Variants in SLC24A3 observed in about 807,000 individuals in gnomAD.
The protein encoded by SLC24A3 is solute carrier family 24 member 3, also known as sodium/potassium/calcium exchanger 3.
A neutral mutation model predicts 75.8 loss-of-function variants in SLC24A3; 28 were observed. That is an observed-to-expected ratio of 0.37 (90% CI 0.27 to 0.51). The LOEUF (loss-of-function observed/expected upper bound fraction) is 0.51, where lower values mean the gene tolerates loss of function less well. SLC24A3 is among the 20% of genes least tolerant of loss of function. The probability of loss-of-function intolerance (pLI) is 0.94; values close to 1 mark genes in which losing one functional copy is unlikely to be tolerated. For missense variants in SLC24A3, 663 were observed against 847.8 expected (o/e 0.78, Z 2.71); for synonymous variants, 372 against 334.1 (o/e 1.11, Z -1.24).
intron 2 of SLC24A3, among the ~76,000 whole-genome samples, chr20:19,371,870 A>G (rs1985997850): frequency 6.6e-6 from 1 of 152,098 alleles, no homozygotes; most frequent in Admixed American, 6.5e-5. Flanking sequence ...ATATGGATCC[A>G]TATCTCAGGT....
chr20:19,600,235 C>A (rs1366957668), intron 6 of SLC24A3, among the ~76,000 whole-genome samples: 2 of 152,128 alleles, frequency 1.3e-5, no homozygotes, highest in Non-Finnish European at 2.9e-5. Flanking sequence ...CCTAGACAAA[C>A]CCATTAGGAG....
At chr20:19,376,511 T>C (rs1286822701) in intron 2 of SLC24A3, among the ~76,000 whole-genome samples, 1 of 152,220 alleles carries the variant, frequency 6.6e-6, no homozygotes, top group Non-Finnish European at 1.5e-5. Flanking sequence ...GCTATCGTTC[T>C]AGCCCTGCTG....
intron 4 of SLC24A3, 77 bp downstream of exon 4, chr20:19,580,151 C>T (rs2031199251): frequency 1.5e-6 from 2 of 1,324,158 alleles, no homozygotes; most frequent in African/African-American, 2.9e-5. Flanking sequence ...CCAGCCTCCT[C>T]ACCAAAGTCC....
At position 19,585,463 on chromosome 20, in the gene SLC24A3, TGTG is replaced by T; in HGVS notation, c.533_535del (p.Val178del). 1 of 1,614,172 alleles carries T rather than the reference TGTG, an allele frequency of 6.2e-7. No individual in the cohort carries two copies. Among genetic ancestry groups the T allele is most frequent in the Non-Finnish European group, 8.5e-7 (1 of 1,180,020 alleles). On this transcript the variant is annotated inframe_deletion, in exon 6 of 17. Coordinates refer to ENST00000328041, the MANE Select transcript of SLC24A3 (RefSeq NM_020689.4). ...CAGGGGTCTTCATCACCAAAGGCGATGTGGGAGTTGGCACCATCGTGGGCTCAG... is the reference window on the plus strand; with the variant it reads ...CAGGGGTCTTCATCACCAAAGGCGATGGAGTTGGCACCATCGTGGGCTCAG...
At chr20:19,436,453 C>T (rs531291344) in intron 2 of SLC24A3, among the ~76,000 whole-genome samples, 1 of 152,234 alleles carries the variant, frequency 6.6e-6, no homozygotes, top group African/African-American at 2.4e-5. Context: ...ATTTACTGAC[C>T]CCAGTACTTT....
At chr20:19,553,067 TTCCCTCCC>T (rs146583328) in intron 3 of SLC24A3, among the ~76,000 whole-genome samples, 1,984 of 99,024 alleles carry the variant, frequency 0.02, 34 homozygotes, top group Non-Finnish European at 0.028. Context: ...CCCTCCTTCC[TTCCCTCCC>T]TCCCTCCCTC....
chr20:19,693,504 C>T (rs768899347), intron 13 of SLC24A3, 79 bp downstream of exon 13: 23 of 1,534,388 alleles, frequency 1.5e-5, no homozygotes, highest in Non-Finnish European at 1.9e-5. Context: ...GGGTTTCAGC[C>T]GATAACTGTA....
At chr20:19,692,006 A>G (rs1370996521) in intron 12 of SLC24A3, among the ~76,000 whole-genome samples, 3 of 152,194 alleles carry the variant, frequency 2.0e-5, no homozygotes, top group Non-Finnish European at 4.4e-5. Flanking sequence ...GAGAGGCCAG[A>G]GGGTGCCAGA....
chr20:19,632,300 C>T (rs1446075566), intron 6 of SLC24A3, among the ~76,000 whole-genome samples: 1 of 152,188 alleles, frequency 6.6e-6, no homozygotes, highest in Non-Finnish European at 1.5e-5. Flanking sequence ...GACTCTCTTA[C>T]AGTTCTGGAT....
At chr20:19,540,448 T>A (rs1217475629) in intron 3 of SLC24A3, among the ~76,000 whole-genome samples, 2 of 152,238 alleles carry the variant, frequency 1.3e-5, no homozygotes, top group African/African-American at 4.8e-5. Context: ...ACCCATTTTT[T>A]AAATGCAAAC....
At chr20:19,614,972 A>G (rs569383121) in intron 6 of SLC24A3, among the ~76,000 whole-genome samples, 1 of 152,306 alleles carries the variant, frequency 6.6e-6, no homozygotes, top group African/African-American at 2.4e-5. Flanking sequence ...TCATCATCCA[A>G]ACCATAATCT....
At position 19,565,701 on chromosome 20, in the gene SLC24A3, T is replaced by G. The variant is rs146366787; in HGVS notation, c.349-14299T>G. On this transcript the variant is annotated intron_variant, in intron 3 of 16. Transcript: ENST00000328041. ...GATTCCTATCACCTGAGAGCCAATT[T>G]CCCTCTCACACTAAATGGCACCTTT... 1.2e-3 allele frequency among the ~76,000 whole-genome samples: 187 copies of G among 152,240 alleles called. 1 individual carries two copies. Among genetic ancestry groups the G allele is most frequent in the African/African-American group, 4.3e-3 (180 of 41,532 alleles).
intron 15 of SLC24A3, among the ~76,000 whole-genome samples, chr20:19,706,678 G>A (rs1317882856): frequency 6.6e-6 from 1 of 152,096 alleles, no homozygotes; most frequent in African/African-American, 2.4e-5. Context: ...CATGGTAAAG[G>A]CCATGGTAAT....
chr20:19,318,612 A>T (rs1317146693), intron 2 of SLC24A3, among the ~76,000 whole-genome samples: 1 of 152,104 alleles, frequency 6.6e-6, no homozygotes, highest in Non-Finnish European at 1.5e-5. Context: ...CCTTTGCCAC[A>T]AAGAGGCCCC....
In SLC24A3 at chr20:19,698,644, G is replaced by T; in HGVS notation, c.1683G>T (p.Trp561Cys). The T allele has an allele frequency of 6.3e-7, 1 of 1,592,380 alleles. No individual in the cohort carries two copies. Among genetic ancestry groups the T allele is most frequent in the Non-Finnish European group, 8.6e-7 (1 of 1,167,390 alleles). Reference protein sequence around the residue: ...FDILIGLGLPWALQTLAVDYG... With the variant: ...FDILIGLGLPCALQTLAVDYG... ...TCCTGATTGGCCTCGGTCTCCCCTG[G>T]GCTCTGCAGACCCTGGCTGTGGATT... is the stretch of plus-strand genomic sequence containing the variant. Residue 561 changes from tryptophan (W) to cysteine (C), a missense_variant, in exon 15 of 17, where the codon TGG becomes TGT. Coordinates refer to ENST00000328041, the MANE Select transcript of SLC24A3 (RefSeq NM_020689.4).
chr20:19,513,141 G>T (rs574710711), intron 2 of SLC24A3, among the ~76,000 whole-genome samples: 1 of 152,222 alleles, frequency 6.6e-6, no homozygotes, highest in Admixed American at 6.5e-5. Context: ...TTCTCCTCCA[G>T]GAGAGTGGCA....
intron 6 of SLC24A3, among the ~76,000 whole-genome samples, chr20:19,628,151 C>T (rs1318360933): frequency 7.2e-6 from 1 of 139,672 alleles, no homozygotes; most frequent in Non-Finnish European, 1.5e-5. Context: ...TTGCAGTGAG[C>T]TGAGATTGCG....
In SLC24A3 at chr20:19,356,419, T is replaced by A. The variant is rs112946005; in HGVS notation, c.271+75332T>A. 9.1e-3 allele frequency among the ~76,000 whole-genome samples: 1,389 copies of A among 152,344 alleles called. 25 individuals carry two copies. The highest frequency in any genetic ancestry group is 0.031 in the African/African-American group (1,288 of 41,574). ...AAGTATCAGCTGCATGTTTTTAAAC[T>A]TTGAGTGAATGAGATTGTGCTATGT... On this transcript the variant is annotated intron_variant, in intron 2 of 16. Coordinates refer to ENST00000328041, the MANE Select transcript of SLC24A3 (RefSeq NM_020689.4).
chr20:19,473,132 A>G (rs771858434), intron 2 of SLC24A3, among the ~76,000 whole-genome samples: 1 of 152,170 alleles, frequency 6.6e-6, no homozygotes, highest in Non-Finnish European at 1.5e-5. Context: ...TAGCTTTGCC[A>G]CTTTCAAAGC....
Sources: allele counts gnomAD v4.1 joint callset (sites outside exome capture counted in the v4.1 genomes callset), GRCh38; gene constraint gnomAD v4.1.1; transcripts MANE v1.5; gene names NCBI Gene and HGNC (gene_info 2026-07-23, HGNC 2026-07-21).